STXBP5: variants seen among roughly 807,000 people sequenced by gnomAD.
STXBP5 encodes the protein syntaxin binding protein 5.
Under a neutral mutation model 152.4 loss-of-function variants are expected in STXBP5, and 50 were observed. That is an observed-to-expected ratio of 0.33 (90% CI 0.26 to 0.42). The LOEUF is 0.42. Ranked by LOEUF, STXBP5 falls within the 10% of genes least tolerant of loss-of-function variation. The pLI is 1.00. For missense variants in STXBP5, 1,167 were observed against 1,388.6 expected, an observed-to-expected ratio of 0.84 and a Z score of 2.54; for synonymous variants, 492 against 494.7, an observed-to-expected ratio of 0.99 and a Z score of 0.07.
intron 2 of STXBP5, among the ~76,000 whole-genome samples, chr6:147,207,931 GACAAC>G (rs2115017641): frequency 6.6e-6 from 1 of 152,212 alleles, no homozygotes; most frequent in Admixed American, 6.5e-5. Context: ...CAGATTCTTA[GACAAC>G]ACTTTTACCC....
At chr6:147,371,057 G>T (rs908359900) in intron 25 of STXBP5, among the ~76,000 whole-genome samples, 1 of 151,930 alleles carries the variant, frequency 6.6e-6, no homozygotes, top group African/African-American at 2.4e-5. Context: ...AATCAGACAA[G>T]TATATTTATT....
intron 5 of STXBP5, among the ~76,000 whole-genome samples, chr6:147,261,816 A>T (rs889173992): frequency 1.3e-5 from 2 of 151,854 alleles, no homozygotes; most frequent in Non-Finnish European, 2.9e-5. Context: ...CATCAGTTCA[A>T]CCATATTCTT....
chr6:147,358,829 A>C (rs1410658591), intron 22 of STXBP5, among the ~76,000 whole-genome samples: 5 of 152,128 alleles, frequency 3.3e-5, no homozygotes, highest in African/African-American at 4.8e-5. Flanking sequence ...AGTAGACTGA[A>C]GAGAAAGAGA....
At chr6:147,230,529 A>G (rs575290431) in intron 2 of STXBP5, among the ~76,000 whole-genome samples, 26 of 152,122 alleles carry the variant, frequency 1.7e-4, no homozygotes, top group African/African-American at 6.0e-4. Flanking sequence ...GAATTAGACC[A>G]ATCTGGGTTT....
intron 2 of STXBP5, among the ~76,000 whole-genome samples, chr6:147,208,407 G>A (rs1448475803): frequency 2.6e-5 from 4 of 152,086 alleles, no homozygotes; most frequent in Non-Finnish European, 4.4e-5. Context: ...TCAGGTATAT[G>A]TTAGTGTCTC....
chr6:147,204,477 G>C lies in STXBP5; in HGVS notation c.-56G>C. ...CCTTCGGCCCCGGGTGGTCTCCCCCGCCCGGGGACCCCCTGTGCCTCCCCT... is the reference window on the plus strand; with the variant it reads ...CCTTCGGCCCCGGGTGGTCTCCCCCCCCCGGGGACCCCCTGTGCCTCCCCT... On this transcript the variant is annotated 5_prime_UTR_variant, in exon 1 of 28. Coordinates refer to ENST00000321680, the MANE Select transcript of STXBP5 (RefSeq NM_001127715.4). This position sits in a 1 kb window ranked among gnomAD's most constrained non-coding sequence, Gnocchi z 4.3. 1 of 1,581,938 alleles carries C rather than the reference G, an allele frequency of 6.3e-7. No individual in the cohort carries two copies. Among genetic ancestry groups the C allele is most frequent in the Non-Finnish European group, 8.6e-7 (1 of 1,165,218 alleles).
intron 20 of STXBP5, 44 bp downstream of exon 20, chr6:147,339,282 T>TA: frequency 6.6e-7 from 1 of 1,510,376 alleles, no homozygotes; most frequent in Middle Eastern, 2.0e-4. Context: ...ATGTTTAATT[T>TA]ATTTAGTTTA....
In STXBP5 at chr6:147,387,898, CA is replaced by C. The variant is rs1786417467; in HGVS notation, c.*3144del. ...GAAAGTGTTACATACTTTTAGGTTA[CA>C]GGGGTGCTGGGGAGACAGCTGAGGA... is the stretch of plus-strand genomic sequence containing the variant. On this transcript the variant is annotated 3_prime_UTR_variant, in exon 28 of 28. Transcript: ENST00000321680. The C allele has an allele frequency of 6.6e-6, 1 of 151,310 alleles. No individual in the cohort carries two copies. Among genetic ancestry groups the C allele is most frequent in the Non-Finnish European group, 1.5e-5 (1 of 67,648 alleles). 9.4% of individuals were successfully genotyped at this position (151,310 alleles called of 1,614,324 possible).
At chr6:147,311,408 T>C in intron 10 of STXBP5, 47 bp from the exon 11 acceptor site, 1 of 1,476,506 alleles carries the variant, frequency 6.8e-7, no homozygotes, top group Admixed American at 1.7e-5. Context: ...TAATTTGCTG[T>C]CCACTTGCAT....
intron 16 of STXBP5, among the ~76,000 whole-genome samples, chr6:147,317,476 C>G (rs1782701501): frequency 6.6e-6 from 1 of 152,056 alleles, no homozygotes; most frequent in Admixed American, 6.5e-5. Flanking sequence ...TTAGTAGACA[C>G]AACATGAGGA....
chr6:147,363,285 A>C (rs1274856713), intron 23 of STXBP5, 50 bp from the exon 24 acceptor site: 1 of 1,504,464 alleles, frequency 6.6e-7, no homozygotes, highest in Non-Finnish European at 8.9e-7. Context: ...AAACGTGTTT[A>C]CTCTGTTGAT....
chr6:147,305,518 A>G (rs1782044548), intron 9 of STXBP5, among the ~76,000 whole-genome samples: 2 of 152,324 alleles, frequency 1.3e-5, no homozygotes, highest in Non-Finnish European at 1.5e-5. Flanking sequence ...TACTCTAACA[A>G]TTTATGCATA....
At chr6:147,304,264 C>T (rs1423057841) in intron 9 of STXBP5, among the ~76,000 whole-genome samples, 3 of 152,166 alleles carry the variant, frequency 2.0e-5, no homozygotes, top group Non-Finnish European at 4.4e-5. Flanking sequence ...TGTGTCCCAG[C>T]CATGGCTAAA....
At chr6:147,373,091 C>G (rs541659724) in intron 25 of STXBP5, among the ~76,000 whole-genome samples, 178 of 152,180 alleles carry the variant, frequency 1.2e-3, no homozygotes, top group Non-Finnish European at 2.0e-3. Context: ...TTCTTTCTGG[C>G]TGGGCATGGT....
intron 5 of STXBP5, among the ~76,000 whole-genome samples, chr6:147,261,733 T>G (rs1249475357): frequency 6.6e-6 from 1 of 151,952 alleles, no homozygotes; most frequent in Non-Finnish European, 1.5e-5. Context: ...CACAGATGGC[T>G]CTCATGAAAT....
At chr6:147,324,263 G>GT (rs764684701) in intron 16 of STXBP5, among the ~76,000 whole-genome samples, 13,436 of 82,954 alleles carry the variant, frequency 0.16, 2,686 homozygotes, top group Non-Finnish European at 0.21. Flanking sequence ...GTTTTTTTTT[G>GT]GTTTTTTTTT....
rs989573053 is a variant in STXBP5, at chr6:147,370,674, C to T, written c.3082-3057C>T. On this transcript the variant is annotated intron_variant, in intron 25 of 27. Transcript: ENST00000321680. ...TACCAATTAATTCAGTTTAAAACAA[C>T]TAAGTAAGTAACTCTGGTAAGCACC... Among the ~76,000 whole-genome samples, 5 of 152,012 alleles carry T rather than the reference C, an allele frequency of 3.3e-5. No individual in the cohort carries two copies. In the South Asian group the frequency reaches 8.3e-4, roughly 25 times the overall value.
rs1465706245 is a variant in STXBP5 at position 147,386,723 on chromosome 6, T to C, written c.*1968T>C. On this transcript the variant is annotated 3_prime_UTR_variant, in exon 28 of 28. Coordinates refer to ENST00000321680, the MANE Select transcript of STXBP5 (RefSeq NM_001127715.4). ...GTTCCATGATATGTCACAGGAATTG[T>C]TAGGTCCTATTTTAAAGGTACAGTT... is the stretch of plus-strand genomic sequence containing the variant. The C allele has an allele frequency of 6.6e-6, 1 of 151,820 alleles. No individual in the cohort carries two copies. The highest frequency in any genetic ancestry group is 6.6e-5 in the Admixed American group (1 of 15,210). 9.4% of individuals were successfully genotyped at this position (151,820 alleles called of 1,614,324 possible).
intron 4 of STXBP5, among the ~76,000 whole-genome samples, chr6:147,243,051 A>C (rs772230877): frequency 3.3e-5 from 5 of 152,224 alleles, no homozygotes; most frequent in Non-Finnish European, 7.3e-5. Flanking sequence ...AAGCTGTTAT[A>C]AATATTCACA....
Sources: allele counts gnomAD v4.1 joint callset (sites outside exome capture counted in the v4.1 genomes callset), GRCh38; gene constraint gnomAD v4.1.1; non-coding constraint Gnocchi (gnomAD v3.1); transcripts MANE v1.5; gene names NCBI Gene and HGNC (gene_info 2026-07-23, HGNC 2026-07-21).